BRCA1: variants seen among roughly 807,000 people sequenced by gnomAD.
BRCA1 encodes the protein BRCA1 DNA repair associated.
Under a neutral mutation model 173.7 loss-of-function variants are expected in BRCA1, and 140 were observed. The ratio of observed to expected loss-of-function variants is 0.81; its 90% confidence interval spans 0.70 to 0.93. The LOEUF is 0.93. BRCA1 is among the 40% of genes least tolerant of loss of function. BRCA1 has a pLI of 0.00. For synonymous variants in BRCA1, 662 were observed against 756.0 expected (o/e 0.88, Z 2.04); for missense variants, 1,983 against 2,172.5 (o/e 0.91, Z 1.73).
chr17:43,079,679 C>A (rs1357751571), intron 12 of BRCA1: 12 of 1,014,302 alleles, frequency 1.2e-5, no homozygotes. Flanking sequence ...GTGGGTTCAA[C>A]TGAAGCACCA....
chr17:43,121,079 A>G (rs1233442558), intron 2 of BRCA1, among the ~76,000 whole-genome samples: 1 of 138,222 alleles, frequency 7.2e-6, no homozygotes, highest in East Asian at 2.2e-4. Flanking sequence ...CCCCACCCCG[A>G]AAAAAAAAGG....
chr17:43,170,040 G>A (rs2056315302), intron 1 of BRCA1: 2 of 429,956 alleles, frequency 4.7e-6, no homozygotes, highest in Admixed American at 2.4e-5. Context: ...CAGAATGAGG[G>A]CAGAGTAGAT....
At chr17:43,084,866 G>A (rs533202152) in intron 11 of BRCA1, among the ~76,000 whole-genome samples, 28 of 152,240 alleles carry the variant, frequency 1.8e-4, no homozygotes, top group African/African-American at 6.7e-4. Flanking sequence ...ATGCTTCACA[G>A]GCTGTATTAG....
intron 3 of BRCA1, chr17:43,110,586 TCAA>T: frequency 2.8e-6 from 1 of 353,292 alleles, no homozygotes; most frequent in Non-Finnish European, 5.5e-6. Flanking sequence ...AGACCCTGTC[TCAA>T]AAAAAAAAAA....
chr17:43,147,187 A>C (rs1469555917), intron 1 of BRCA1, among the ~76,000 whole-genome samples: 1 of 151,772 alleles, frequency 6.6e-6, no homozygotes, highest in African/African-American at 2.4e-5. Context: ...TTTAGTAGCG[A>C]CGGGGTTTCT....
Position 43,100,639 on chromosome 17 carries a change from T to C in BRCA1, c.442-759A>G, listed in dbSNP as rs1353996672. The stretch of plus-strand genomic sequence containing the variant: ...ATATAACATATATATATGTTATATA[T>C]ATATAACATATATATAACATATATA... On this transcript the variant is annotated intron_variant, in intron 6 of 22. Coordinates refer to ENST00000357654, the MANE Select transcript of BRCA1 (RefSeq NM_007294.4). Among the ~76,000 whole-genome samples the C allele has an allele frequency of 7.7e-4, 49 of 63,242 alleles. 3 individuals carry two copies. Among genetic ancestry groups the C allele is most frequent in the Admixed American group, 3.6e-3 (14 of 3,900 alleles). The allele number at this position is 63,242 out of a possible 152,430, so 41.5% of individuals were successfully genotyped here.
At chr17:43,109,106 G>A (rs993368959) in intron 3 of BRCA1, among the ~76,000 whole-genome samples, 3 of 152,096 alleles carry the variant, frequency 2.0e-5, no homozygotes, top group Non-Finnish European at 4.4e-5. Context: ...GTGATCGCCT[G>A]CTTCAGCCTC....
At chr17:43,156,138 G>A (rs921179935) in intron 1 of BRCA1, among the ~76,000 whole-genome samples, 1 of 152,042 alleles carries the variant, frequency 6.6e-6, no homozygotes, top group Non-Finnish European at 1.5e-5. Flanking sequence ...TCGGGAGGCT[G>A]AGGCAGGAGA....
chr17:43,107,382 A>ATTT (rs762948688), intron 3 of BRCA1, among the ~76,000 whole-genome samples: 1 of 118,520 alleles, frequency 8.4e-6, no homozygotes. Flanking sequence ...TATTTTCTTA[A>ATTT]TTTTTTTTTT....
intron 1 of BRCA1, among the ~76,000 whole-genome samples, chr17:43,151,529 G>A (rs892381872): frequency 1.3e-5 from 2 of 152,168 alleles, no homozygotes; most frequent in African/African-American, 4.8e-5. Flanking sequence ...AGGATTTTCA[G>A]TGTGTTCCAG....
chr17:43,062,282 A>G (rs971095691), intron 18 of BRCA1, among the ~76,000 whole-genome samples: 2 of 152,036 alleles, frequency 1.3e-5, no homozygotes, highest in African/African-American at 2.4e-5. Context: ...TTTTGTGGAG[A>G]CAGAGTCTCA....
At chr17:43,135,229 G>A (rs1377116975) in intron 1 of BRCA1, among the ~76,000 whole-genome samples, 1 of 152,228 alleles carries the variant, frequency 6.6e-6, no homozygotes, top group Non-Finnish European at 1.5e-5. Context: ...CGTTGCTTCA[G>A]CCTCGGTCCA....
intron 6 of BRCA1, among the ~76,000 whole-genome samples, chr17:43,102,220 G>A (rs1179470558): frequency 6.6e-6 from 1 of 151,708 alleles, no homozygotes; most frequent in East Asian, 1.9e-4. Context: ...ACAGGAGTCC[G>A]CCATCACGCT....
intron 1 of BRCA1, among the ~76,000 whole-genome samples, chr17:43,135,051 A>G (rs2056005226): frequency 6.6e-6 from 1 of 152,222 alleles, no homozygotes; most frequent in Admixed American, 6.5e-5. Flanking sequence ...GGTGGAGGGT[A>G]CTTTCCCAGC....
intron 22 of BRCA1, 59 bp downstream of exon 22, chr17:43,047,584 G>T: frequency 6.4e-7 from 1 of 1,571,308 alleles, no homozygotes; most frequent in Non-Finnish European, 8.8e-7. Flanking sequence ...GGTAATGAGT[G>T]ATAAACCAAA....
In BRCA1 at chr17:43,093,210, C is replaced by T. The variant is rs730881482; in HGVS notation, c.2321G>A (p.Gly774Asp). Residue 774 changes from glycine to aspartate, a missense_variant, in exon 10 of 23, where the codon GGT (glycine) becomes GAT (aspartate). Gly to Asp is a moderately conservative substitution (Grantham distance 94). Coordinates refer to ENST00000357654, the MANE Select transcript of BRCA1 (RefSeq NM_007294.4). ...ACTTTCCTGAGTGCCATAATCAGTA[C>T]CAGGTACCAATGAAATACTGCTACT... ...VESSSISLVP[G>D]TDYGTQESIS... 1 of 1,613,926 alleles carries T rather than the reference C, an allele frequency of 6.2e-7. No individual in the cohort carries two copies. Among genetic ancestry groups the T allele is most frequent in the South Asian group, 1.1e-5 (1 of 91,070 alleles).
intron 6 of BRCA1, among the ~76,000 whole-genome samples, chr17:43,100,682 T>C (rs1045106108): frequency 0.02 from 1,478 of 74,404 alleles, 142 homozygotes; most frequent in Non-Finnish European, 0.024. Context: ...ATATATAATA[T>C]ATATATATAT....
chr17:43,108,974 C>T (rs2054917421), intron 3 of BRCA1, among the ~76,000 whole-genome samples: 1 of 152,084 alleles, frequency 6.6e-6, no homozygotes, highest in Non-Finnish European at 1.5e-5. Flanking sequence ...GCCTGGGCAA[C>T]AAGAGCGAAA....
chr17:43,128,177 C>T (rs2055931596), upstream of BRCA1, among the ~76,000 whole-genome samples: 3 of 133,666 alleles, frequency 2.2e-5, no homozygotes, highest in Admixed American at 1.6e-4. Context: ...TAGCATTTAT[C>T]TGCTGGTAAC....
Sources: gnomAD v4.1 joint callset for allele counts (sites outside exome capture counted in the v4.1 genomes callset) on GRCh38, gnomAD v4.1.1 for gene constraint, MANE v1.5 for transcripts, NCBI Gene and HGNC (gene_info 2026-07-23, HGNC 2026-07-21) for gene names.